PUM1: variants seen among roughly 807,000 people sequenced by gnomAD.
PUM1 encodes pumilio homolog 1.
Under a neutral mutation model 131.8 loss-of-function variants are expected in PUM1, and 13 were observed. The ratio of observed to expected loss-of-function variants is 0.10; its 90% confidence interval spans 0.06 to 0.16. The LOEUF (loss-of-function observed/expected upper bound fraction) is 0.16. Ranked by LOEUF, PUM1 falls within the 10% of genes least tolerant of loss-of-function variation. The pLI is 1.00. For missense variants in PUM1, 961 were observed against 1,512.4 expected (o/e 0.64, Z 6.05); for synonymous variants, 509 against 556.5 (o/e 0.91, Z 1.20).
intron 16 of PUM1, among the ~76,000 whole-genome samples, chr1:30,951,164 CAG>C (rs1639918960): frequency 6.6e-6 from 1 of 152,166 alleles, no homozygotes; most frequent in Non-Finnish European, 1.5e-5. Context: ...AACTAAGATC[CAG>C]AGAAGTTCTC....
At chr1:30,978,796 G>C (rs1195726771) in intron 9 of PUM1, among the ~76,000 whole-genome samples, 2 of 151,976 alleles carry the variant, frequency 1.3e-5, no homozygotes, top group African/African-American at 4.8e-5. Context: ...TAGTCTCAAG[G>C]GAAAGAAAAA....
intron 3 of PUM1, among the ~76,000 whole-genome samples, chr1:31,024,150 CGGGTAGAAAAAAG>C (rs1399742866): frequency 6.6e-6 from 1 of 152,066 alleles, no homozygotes; most frequent in Non-Finnish European, 1.5e-5. Context: ...CTTTGTCTTA[CGGGTAGAAAAAAG>C]TAAGTGCAAA....
intron 10 of PUM1, among the ~76,000 whole-genome samples, chr1:30,973,862 G>A (rs1051669722): frequency 6.6e-6 from 1 of 151,932 alleles, no homozygotes; most frequent in Non-Finnish European, 1.5e-5. Context: ...GGCCGAGGCG[G>A]GTGGATCACG....
At chr1:30,996,761 G>C (rs1641993134) in intron 5 of PUM1, among the ~76,000 whole-genome samples, 1 of 152,176 alleles carries the variant, frequency 6.6e-6, no homozygotes, top group Non-Finnish European at 1.5e-5. Flanking sequence ...TCAAAGCAGA[G>C]ATAGGAATAT....
intron 2 of PUM1, among the ~76,000 whole-genome samples, chr1:31,049,684 A>G (rs1418770698): frequency 6.6e-6 from 1 of 152,086 alleles, no homozygotes; most frequent in East Asian, 1.9e-4. Context: ...CATCTCAAAA[A>G]AATAAAATTA....
At chr1:31,004,791 T>A (rs974306675) in intron 5 of PUM1, among the ~76,000 whole-genome samples, 1 of 152,236 alleles carries the variant, frequency 6.6e-6, no homozygotes, top group African/African-American at 2.4e-5. Flanking sequence ...GCAAAAGATG[T>A]ATAACACTAA....
intron 3 of PUM1, among the ~76,000 whole-genome samples, chr1:31,018,516 G>C (rs988551464): frequency 6.6e-6 from 1 of 151,922 alleles, no homozygotes; most frequent in Non-Finnish European, 1.5e-5. Context: ...AAATTAGCCA[G>C]GTGTCATGGC....
intron 6 of PUM1, 134 bp from the exon 7 acceptor site, chr1:30,992,794 G>C (rs1570226671): frequency 1.3e-6 from 1 of 779,014 alleles, no homozygotes; most frequent in Admixed American, 2.9e-5. Flanking sequence ...AAAATAACCA[G>C]AGATACTTTA....
intron 2 of PUM1, among the ~76,000 whole-genome samples, chr1:31,034,875 C>T (rs866037222): frequency 6.6e-6 from 1 of 151,968 alleles, no homozygotes; most frequent in South Asian, 2.1e-4. Flanking sequence ...TAATCAGAAT[C>T]GTTGATGCCA....
At chr1:31,027,443 G>C (rs1643266619) in intron 3 of PUM1, among the ~76,000 whole-genome samples, 1 of 152,192 alleles carries the variant, frequency 6.6e-6, no homozygotes, top group South Asian at 2.1e-4. Context: ...CAAAAACTTA[G>C]TGACAAAGTC....
intron 9 of PUM1, 113 bp from the exon 10 acceptor site, chr1:30,974,915 T>TA (rs2124459076): frequency 1.3e-6 from 1 of 758,684 alleles, no homozygotes; most frequent in African/African-American, 1.8e-5. Flanking sequence ...AACTTAAAAG[T>TA]ATATATTAAT....
At chr1:30,964,621 C>A (rs956046275) in intron 14 of PUM1, 53 bp downstream of exon 14, 5 of 1,459,402 alleles carry the variant, frequency 3.4e-6, no homozygotes, top group Non-Finnish European at 4.8e-6. Flanking sequence ...GTAATGTCAT[C>A]GGTGGCAAGA....
chr1:31,056,599 CT>C (rs1644243436), intron 2 of PUM1, among the ~76,000 whole-genome samples: 1 of 110,998 alleles, frequency 9.0e-6, no homozygotes, highest in Non-Finnish European at 1.9e-5. Flanking sequence ...GAAAACCTTC[CT>C]TTTCTTTTCT....
In PUM1 at chr1:30,942,191, TTATATATA is replaced by T. The variant is rs58848270; in HGVS notation, c.2995-76_2995-69del. On this transcript the variant is annotated intron_variant, in intron 18 of 21. Transcript: ENST00000426105. ...ACCACCTTCAATGCTTCAGTATTGTTTATATATATATATATATATATATATATATATAT... is the reference window on the plus strand; with the variant it reads ...ACCACCTTCAATGCTTCAGTATTGTTTATATATATATATATATATATATAT... The T allele has an allele frequency of 0.025, 3,636 of 144,774 alleles. 114 individuals carry two copies. Among genetic ancestry groups the T allele is most frequent in the African/African-American group, 0.068 (1,117 of 16,532 alleles). 9.0% of individuals were successfully genotyped at this position (144,774 alleles called of 1,614,324 possible). A position where few individuals can be genotyped will look rare whatever the true frequency, so the allele number is the denominator to read the frequency against.
At chr1:31,002,476 T>G (rs1440559041) in intron 5 of PUM1, among the ~76,000 whole-genome samples, 1 of 151,966 alleles carries the variant, frequency 6.6e-6, no homozygotes. Context: ...TCATGATCCA[T>G]TTTTTGGCTG....
intron 3 of PUM1, 141 bp downstream of exon 3, chr1:31,028,655 A>G: frequency 1.3e-6 from 1 of 772,802 alleles, no homozygotes; most frequent in South Asian, 1.5e-5. Context: ...ATTCTCCAGC[A>G]TCCCGTTCCT....
rs191241198 is a variant in PUM1 at position 31,015,430 on chromosome 1, C to T, written c.433-8328G>A. Among the ~76,000 whole-genome samples the T allele has an allele frequency of 6.5e-3, 995 of 152,080 alleles. 5 individuals are homozygous for T. The highest frequency in any genetic ancestry group is 0.011 in the Non-Finnish European group (749 of 67,982). The stretch of plus-strand genomic sequence containing the variant: ...GATCTCGGCTCACTGCAAGCTCCAC[C>T]TCCTGGGTTCACGCCATTCTCCTGC... On this transcript the variant is annotated intron_variant, in intron 3 of 21. Coordinates refer to ENST00000426105, the MANE Select transcript of PUM1 (RefSeq NM_001020658.2).
chr1:31,014,162 T>C (rs10798818), intron 3 of PUM1, among the ~76,000 whole-genome samples: 43,872 of 151,682 alleles, frequency 0.29, 8,317 homozygotes, highest in East Asian at 0.53. Flanking sequence ...CCAAGTGTGG[T>C]AGCACATGCC....
chr1:30,955,761 T>A (rs1034084628), intron 14 of PUM1, among the ~76,000 whole-genome samples: 11 of 152,282 alleles, frequency 7.2e-5, no homozygotes, highest in African/African-American at 2.4e-4. Context: ...CACAAAAAGA[T>A]ACCCAGGCTG....
Sources: allele counts gnomAD v4.1 joint callset (sites outside exome capture counted in the v4.1 genomes callset), GRCh38; gene constraint gnomAD v4.1.1; transcripts MANE v1.5; gene names NCBI Gene and HGNC (gene_info 2026-07-23, HGNC 2026-07-21).